The following MSI2 variants were observed in gnomAD, a reference collection of about 807,000 sequenced individuals.
MSI2 encodes RNA-binding protein Musashi homolog 2.
In MSI2, 17 loss-of-function variants were observed where a neutral mutation model predicts 45.6. The observed-to-expected ratio is 0.37, with a 90% CI of 0.26 to 0.56. The LOEUF (loss-of-function observed/expected upper bound fraction) is 0.56. Ranked by LOEUF, MSI2 falls within the 20% of genes least tolerant of loss-of-function variation. The pLI is 0.77. For synonymous variants in MSI2, 156 were observed against 158.2 expected (o/e 0.99, Z 0.11); for missense variants, 293 against 444.2 (o/e 0.66, Z 3.06).
intron 5 of MSI2, among the ~76,000 whole-genome samples, chr17:57,391,045 C>T (rs1364352744): frequency 1.3e-5 from 2 of 152,140 alleles, no homozygotes; most frequent in Non-Finnish European, 2.9e-5. Context: ...GTAGTTGCTA[C>T]CCAGATAAAT....
chr17:57,264,866 A>C (rs1907636824), intron 5 of MSI2: 1 of 152,248 alleles, frequency 6.6e-6, no homozygotes, highest in Admixed American at 6.5e-5. Context: ...AGGGAACCAT[A>C]GCCAGAGGCC....
intron 7 of MSI2, among the ~76,000 whole-genome samples, chr17:57,547,903 A>G (rs539084967): frequency 6.6e-6 from 1 of 152,286 alleles, no homozygotes; most frequent in South Asian, 2.1e-4. Flanking sequence ...GTAGACAGTG[A>G]AACTTGGAGA....
intron 6 of MSI2, among the ~76,000 whole-genome samples, chr17:57,440,271 G>A (rs941303174): frequency 6.6e-6 from 1 of 152,206 alleles, no homozygotes; most frequent in African/African-American, 2.4e-5. Context: ...CTGGGGCACA[G>A]GAAGCCGTGC....
rs1489605760 is a variant in MSI2, at chr17:57,423,872, C to T, written c.405+22401C>T. Among the ~76,000 whole-genome samples, 6 of 152,116 alleles carry T rather than the reference C, an allele frequency of 3.9e-5. No homozygotes were observed. In the East Asian group the frequency reaches 5.8e-4, roughly 15 times the overall value. Reference sequence around the variant, plus strand: ...GCAGCTTTTTCCAGTTTTTCTCTTGCGGTAGTTACAATATTATTAAAAATC... The same window carrying T: ...GCAGCTTTTTCCAGTTTTTCTCTTGTGGTAGTTACAATATTATTAAAAATC... On this transcript the variant is annotated intron_variant, in intron 6 of 13. Transcript: ENST00000284073.
chr17:57,602,600 T>G (rs1467438287), intron 8 of MSI2, among the ~76,000 whole-genome samples: 1 of 152,136 alleles, frequency 6.6e-6, no homozygotes, highest in African/African-American at 2.4e-5. Context: ...AGTGATCCCC[T>G]TGCCTCTGCC....
At chr17:57,318,977 C>T (rs922394548) in intron 5 of MSI2, among the ~76,000 whole-genome samples, 9 of 152,182 alleles carry the variant, frequency 5.9e-5, no homozygotes, top group Non-Finnish European at 8.8e-5. Flanking sequence ...CCAGGGCCAG[C>T]CCAGGCCCCC....
chr17:57,671,367 C>G (rs1452748273), intron 11 of MSI2: 5 of 152,296 alleles, frequency 3.3e-5, no homozygotes, highest in African/African-American at 1.2e-4. Flanking sequence ...TCCCCGCCCC[C>G]TCACACGCAC....
chr17:57,364,467 G>A lies in MSI2; in HGVS notation c.313-36912G>A, dbSNP rs374408303. On this transcript the variant is annotated intron_variant, in intron 5 of 13. Coordinates refer to ENST00000284073, the MANE Select transcript of MSI2 (RefSeq NM_138962.4). ...ATTTAATTAAACGGCATCAAGGATG[G>A]CAGAAACTTTGTAAAGCTGCAATGC... Among the ~76,000 whole-genome samples, 5 of 152,294 alleles carry A rather than the reference G, an allele frequency of 3.3e-5. No homozygotes were observed. The East Asian group carries it at 7.7e-4, about 23-fold the overall frequency.
At chr17:57,517,831 A>G (rs1362855031) in intron 6 of MSI2, among the ~76,000 whole-genome samples, 1 of 152,146 alleles carries the variant, frequency 6.6e-6, no homozygotes, top group African/African-American at 2.4e-5. Flanking sequence ...GGGCTCTGGG[A>G]CCCAACAGAC....
intron 5 of MSI2, among the ~76,000 whole-genome samples, chr17:57,302,172 A>G (rs1911471108): frequency 6.6e-6 from 1 of 152,202 alleles, no homozygotes; most frequent in South Asian, 2.1e-4. Context: ...TGATATGTGT[A>G]TACAGTCTGT....
intron 6 of MSI2, among the ~76,000 whole-genome samples, chr17:57,521,994 A>G (rs549073149): frequency 8.3e-4 from 127 of 152,334 alleles, no homozygotes; most frequent in African/African-American, 3.0e-3. Context: ...TAAACTACAC[A>G]TTATTCCTGA....
At chr17:57,700,837 G>T in the MSI2 span, among the ~76,000 whole-genome samples, 1 of 151,614 alleles carries the variant, frequency 6.6e-6, no homozygotes, top group Non-Finnish European at 1.5e-5. Flanking sequence ...GAGAGGCGGG[G>T]GTTGCAGTGA....
intron 6 of MSI2, among the ~76,000 whole-genome samples, chr17:57,424,127 T>G (rs182520287): frequency 1.7e-3 from 257 of 152,300 alleles, no homozygotes; most frequent in Admixed American, 6.5e-3. Flanking sequence ...CCCTGAACTC[T>G]CCGAATGTTC....
chr17:57,400,607 G>A (rs1460409392), intron 5 of MSI2, among the ~76,000 whole-genome samples: 1 of 152,116 alleles, frequency 6.6e-6, no homozygotes, highest in Non-Finnish European at 1.5e-5. Context: ...TGGAGACACT[G>A]TTAGGGGGTT....
intron 5 of MSI2, among the ~76,000 whole-genome samples, chr17:57,327,221 C>G (rs1263836828): frequency 6.6e-6 from 1 of 152,166 alleles, no homozygotes; most frequent in East Asian, 1.9e-4. Flanking sequence ...TTGCAGCAAC[C>G]TATGATTGTG....
intron 5 of MSI2, among the ~76,000 whole-genome samples, chr17:57,387,000 G>T (rs982878471): frequency 2.0e-5 from 3 of 152,156 alleles, no homozygotes; most frequent in Admixed American, 1.3e-4. Flanking sequence ...AGAGCCACAC[G>T]CCATTTGCTG....
At chr17:57,654,289 C>G (rs1911419442) in intron 11 of MSI2, among the ~76,000 whole-genome samples, 1 of 152,248 alleles carries the variant, frequency 6.6e-6, no homozygotes, top group African/African-American at 2.4e-5. Context: ...CAGGAAGACA[C>G]TTGCCTGTGT....
intron 7 of MSI2, among the ~76,000 whole-genome samples, chr17:57,536,565 G>T (rs1362257594): frequency 2.6e-5 from 4 of 152,152 alleles, no homozygotes; most frequent in Admixed American, 2.0e-4. Flanking sequence ...TCTCAAATCT[G>T]CTCTTATCTT....
intron 5 of MSI2, among the ~76,000 whole-genome samples, chr17:57,331,006 C>T (rs1285940785): frequency 6.6e-6 from 1 of 151,796 alleles, no homozygotes; most frequent in Non-Finnish European, 1.5e-5. Context: ...CTCCTGGGTC[C>T]TAGTTCAAGC....
Sources: allele counts gnomAD v4.1 joint callset (sites outside exome capture counted in the v4.1 genomes callset), GRCh38; gene constraint gnomAD v4.1.1; transcripts MANE v1.5; gene names NCBI Gene and HGNC (gene_info 2026-07-23, HGNC 2026-07-21).